CMIP: variants seen among roughly 807,000 people sequenced by gnomAD.
CMIP encodes the protein c-Maf inducing protein, also known as C-Maf-inducing protein.
A neutral mutation model predicts 97.3 loss-of-function variants in CMIP; 13 were observed. That is an observed-to-expected ratio of 0.13 (90% CI 0.09 to 0.21). CMIP has a LOEUF of 0.21. Among genes scored for constraint, CMIP ranks in the 10% least tolerant of loss-of-function variants. The pLI, the probability that CMIP is intolerant of heterozygous loss-of-function variation, is 1.00. For synonymous variants in CMIP, 538 were observed against 436.3 expected (o/e 1.23, Z -2.91); for missense variants, 847 against 1,024.9 (o/e 0.83, Z 2.37).
At chr16:81,484,554 C>T (rs114271369) in intron 1 of CMIP, among the ~76,000 whole-genome samples, 358 of 152,236 alleles carry the variant, frequency 2.4e-3, no homozygotes, top group African/African-American at 8.1e-3. Flanking sequence ...CCTTGGGCCA[C>T]GAGGGTGGGG....
chr16:81,699,636 C>A, intron 14 of CMIP, 49 bp from the exon 15 acceptor site: 1 of 1,245,560 alleles, frequency 8.0e-7, no homozygotes, highest in Non-Finnish European at 1.2e-6. Context: ...ACGCTGGAGG[C>A]TGGCACTGGG....
intron 17 of CMIP, among the ~76,000 whole-genome samples, chr16:81,703,532 C>T (rs1479164052): frequency 8.6e-5 from 13 of 151,928 alleles, no homozygotes. Flanking sequence ...CGTGCACAGA[C>T]ACACACATGT....
chr16:81,662,192 A>C (rs546165216), intron 6 of CMIP, among the ~76,000 whole-genome samples: 1 of 152,106 alleles, frequency 6.6e-6, no homozygotes, highest in Non-Finnish European at 1.5e-5. Flanking sequence ...CTCCTGTCCA[A>C]TTTAACCCAA....
intron 2 of CMIP, chr16:81,618,627 C>T (rs1026600328): frequency 1.5e-4 from 23 of 152,222 alleles, no homozygotes; most frequent in African/African-American, 5.5e-4. Context: ...CTGATCGTGC[C>T]CGTCTCTCCC....
chr16:81,576,057 C>T (rs910338211), intron 1 of CMIP, among the ~76,000 whole-genome samples: 2 of 152,154 alleles, frequency 1.3e-5, no homozygotes, highest in African/African-American at 4.8e-5. Context: ...GCATTTATCA[C>T]CAGATCTGAG....
At chr16:81,495,242 G>A (rs1210712645) in intron 1 of CMIP, 6 of 1,273,094 alleles carry the variant, frequency 4.7e-6, no homozygotes, top group Non-Finnish European at 6.2e-6. Context: ...AACAGACACT[G>A]ATGGTCAGAG....
intron 1 of CMIP, among the ~76,000 whole-genome samples, chr16:81,452,876 TTTTGTTTTG>T (rs1567522980): frequency 2.6e-5 from 3 of 114,738 alleles, no homozygotes; most frequent in African/African-American, 1.2e-4. Flanking sequence ...TTTGTTTTTT[TTTTGTTTTG>T]TTTTTTTTTT....
intron 1 of CMIP, among the ~76,000 whole-genome samples, chr16:81,461,188 T>C (rs1331980384): frequency 6.6e-6 from 1 of 152,230 alleles, no homozygotes; most frequent in Non-Finnish European, 1.5e-5. Context: ...CTTCCTCCCA[T>C]GTGGCAGGGC....
At chr16:81,595,170 A>G (rs914166181) in intron 1 of CMIP, among the ~76,000 whole-genome samples, 2 of 151,894 alleles carry the variant, frequency 1.3e-5, no homozygotes, top group Non-Finnish European at 2.9e-5. Flanking sequence ...TTGTACAACA[A>G]TCACTACTAA....
chr16:81,613,786 C>A (rs1043856937), intron 2 of CMIP, among the ~76,000 whole-genome samples: 1 of 152,200 alleles, frequency 6.6e-6, no homozygotes, highest in Non-Finnish European at 1.5e-5. Context: ...ATTCATCCAT[C>A]CATCTATCCG....
intron 1 of CMIP, among the ~76,000 whole-genome samples, chr16:81,478,483 C>T (rs1354093145): frequency 6.6e-6 from 1 of 152,136 alleles, no homozygotes; most frequent in East Asian, 1.9e-4. Context: ...GGACATGTGT[C>T]AGTCAGGGAG....
intron 7 of CMIP, 63 bp from the exon 8 acceptor site, chr16:81,670,079 G>A (rs1209873927): frequency 2.7e-6 from 4 of 1,498,020 alleles, no homozygotes; most frequent in Non-Finnish European, 3.6e-6. Context: ...TGGTGTCCTG[G>A]CTGCCCTGGG....
intron 10 of CMIP, among the ~76,000 whole-genome samples, chr16:81,691,316 T>G (rs551384922): frequency 6.6e-6 from 1 of 152,310 alleles, no homozygotes; most frequent in African/African-American, 2.4e-5. Context: ...TGTTTCCTCT[T>G]CTTCTAAGGA....
intron 1 of CMIP, among the ~76,000 whole-genome samples, chr16:81,551,080 C>A (rs547960490): frequency 6.8e-6 from 1 of 147,816 alleles, no homozygotes; most frequent in Non-Finnish European, 1.5e-5. Flanking sequence ...CACCCCAGTC[C>A]CGTCACACGC....
At chr16:81,540,246 C>T (rs190331050) in intron 1 of CMIP, among the ~76,000 whole-genome samples, 264 of 152,296 alleles carry the variant, frequency 1.7e-3, no homozygotes, top group African/African-American at 6.0e-3. Flanking sequence ...GATGAGTCCC[C>T]GGCTTTCCTT....
intron 10 of CMIP, among the ~76,000 whole-genome samples, chr16:81,681,518 A>T (rs1335982352): frequency 6.6e-6 from 1 of 152,158 alleles, no homozygotes; most frequent in Admixed American, 6.5e-5. Flanking sequence ...AAGAGATGGG[A>T]GGGGCCAGCC....
At chr16:81,486,283 C>A (rs1178849984) in intron 1 of CMIP, among the ~76,000 whole-genome samples, 2 of 152,160 alleles carry the variant, frequency 1.3e-5, no homozygotes, top group African/African-American at 4.8e-5. Flanking sequence ...CAGAGACAAA[C>A]ATGCGCACTC....
chr16:81,670,401 C>G (rs1257179807), intron 8 of CMIP, among the ~76,000 whole-genome samples, 156 bp downstream of exon 8: 1 of 152,138 alleles, frequency 6.6e-6, no homozygotes, highest in Admixed American at 6.5e-5. Context: ...GATAGGAACT[C>G]GGACACACTG....
At chr16:81,518,561 A>G (rs2089960579) in intron 1 of CMIP, 2 of 152,326 alleles carry the variant, frequency 1.3e-5, no homozygotes. Flanking sequence ...AGCACGGGTC[A>G]GGGCCTTTGG....
Sources: allele counts gnomAD v4.1 joint callset (sites outside exome capture counted in the v4.1 genomes callset), GRCh38; gene constraint gnomAD v4.1.1; transcripts MANE v1.5; gene names NCBI Gene and HGNC (gene_info 2026-07-23, HGNC 2026-07-21).